Variants in ENPP3 observed in about 807,000 individuals in gnomAD.
The protein encoded by ENPP3 is ectonucleotide pyrophosphatase/phosphodiesterase 3.
Under a neutral mutation model 117.8 loss-of-function variants are expected in ENPP3, and 104 were observed. The observed-to-expected ratio is 0.88, with a 90% confidence interval of 0.75 to 1.04. The LOEUF is 1.04. Among genes scored for constraint, ENPP3 ranks in the 50% least tolerant of loss-of-function variants. The pLI is 0.00. For missense variants in ENPP3, 1,026 were observed against 1,051.9 expected (o/e 0.98, Z 0.34); for synonymous variants, 380 against 349.9 (o/e 1.09, Z -0.96).
At chr6:131,679,127 C>T (rs1585657652) in intron 11 of ENPP3, among the ~76,000 whole-genome samples, 1 of 147,004 alleles carries the variant, frequency 6.8e-6, no homozygotes, top group Non-Finnish European at 1.5e-5. Context: ...TGGAGTCTTG[C>T]TCTGTCACCC....
chr6:131,671,519 C>T (rs556146967), intron 7 of ENPP3, among the ~76,000 whole-genome samples, 192 bp downstream of exon 7: 35 of 152,176 alleles, frequency 2.3e-4, no homozygotes, highest in Non-Finnish European at 4.1e-4. Context: ...GAGGAATGAA[C>T]TATGAATAAG....
chr6:131,699,235 C>CAAAAAAAAAAAAAAAAAAAAAAA (rs4053087), intron 15 of ENPP3, among the ~76,000 whole-genome samples: 4 of 107,956 alleles, frequency 3.7e-5, no homozygotes, highest in East Asian at 2.5e-4. Flanking sequence ...AAGACTGTCT[C>CAAAAAAAAAAAAAAAAAAAAAAA]AAAAAAAAAA....
At chr6:131,689,620 T>A (rs565798888) in intron 14 of ENPP3, among the ~76,000 whole-genome samples, 5 of 152,342 alleles carry the variant, frequency 3.3e-5, no homozygotes, top group Non-Finnish European at 7.3e-5. Context: ...AGGAGATGGA[T>A]ATTTTCATGT....
At chr6:131,746,487 T>C (rs2114593204) in intron 24 of ENPP3, among the ~76,000 whole-genome samples, 1 of 152,294 alleles carries the variant, frequency 6.6e-6, no homozygotes, top group African/African-American at 2.4e-5. Flanking sequence ...TGTTTAGTTC[T>C]GAACAGAGGA....
chr6:131,736,566 T>C (rs960617002), intron 21 of ENPP3, among the ~76,000 whole-genome samples: 1 of 152,048 alleles, frequency 6.6e-6, no homozygotes. Context: ...CACGTGGGAA[T>C]TATAGGAGCT....
intron 14 of ENPP3, among the ~76,000 whole-genome samples, chr6:131,693,279 C>A (rs1259587642): frequency 6.6e-6 from 1 of 151,418 alleles, no homozygotes; most frequent in African/African-American, 2.4e-5. Context: ...TGGGTTAAAT[C>A]AGATTTTTAA....
intron 24 of ENPP3, among the ~76,000 whole-genome samples, chr6:131,745,696 A>G (rs1376923080): frequency 6.6e-6 from 1 of 152,210 alleles, no homozygotes; most frequent in Non-Finnish European, 1.5e-5. Flanking sequence ...ACAGACATAA[A>G]ACACTATTTT....
rs750533273 is a variant in ENPP3 at position 131,733,576 on chromosome 6, C to T, written c.1954-12C>T. On this transcript the variant is annotated splice_polypyrimidine_tract_variant and intron_variant, in intron 20 of 24. Transcript: ENST00000357639. The stretch of plus-strand genomic sequence containing the variant: ...TTGTGGGCGTAATTTTTTTCTCTCT[C>T]TCTTTGAACAGGGAGACACATCGCC... 2.5e-6 allele frequency: 4 copies of T among 1,607,056 alleles called. No homozygotes were observed. Among genetic ancestry groups the T allele is most frequent in the South Asian group, 2.2e-5 (2 of 90,350 alleles).
At chr6:131,673,505 C>T (rs146978546) in intron 7 of ENPP3, among the ~76,000 whole-genome samples, 2,208 of 152,186 alleles carry the variant, frequency 0.015, 29 homozygotes, top group South Asian at 0.032. Flanking sequence ...AAACAACAGA[C>T]ACTGGGGTCT....
rs17601580 is a variant in ENPP3 at position 131,740,280 on chromosome 6, G to A, written c.2357G>A (p.Ser786Asn). The A allele has an allele frequency of 0.15, 242,710 of 1,612,190 alleles. 20,134 individuals are homozygous for A. Among genetic ancestry groups the A allele is most frequent in the South Asian group, 0.19 (17,190 of 90,788 alleles). ...ACACACTACTTTGTGGTGCTGACCA[G>A]TTGTAAAAACAAGAGCCACACACCG... ...IPTHYFVVLT[S>N]CKNKSHTPEN... is the part of the protein sequence containing the mutation. The change falls in exon 24 of 25, where the codon AGT (serine) becomes AAT (asparagine). Residue 786 changes from serine to asparagine, a missense_variant. By Grantham distance (46) the Ser-to-Asn change is conservative. Coordinates refer to ENST00000357639, the MANE Select transcript of ENPP3 (RefSeq NM_005021.5).
chr6:131,736,517 C>T (rs984785356), intron 21 of ENPP3, among the ~76,000 whole-genome samples: 7 of 151,996 alleles, frequency 4.6e-5, no homozygotes, highest in Non-Finnish European at 8.8e-5. Flanking sequence ...AAGACCTGCC[C>T]CCATGATTCA....
At chr6:131,715,327 C>T (rs1303252416) in intron 15 of ENPP3, among the ~76,000 whole-genome samples, 22 of 140,526 alleles carry the variant, frequency 1.6e-4, no homozygotes, top group African/African-American at 4.8e-4. Flanking sequence ...GATCGCCAAG[C>T]ATTTAAAGCA....
chr6:131,714,685 T>TTA (rs1300422698), intron 15 of ENPP3, among the ~76,000 whole-genome samples: 1 of 130,724 alleles, frequency 7.6e-6, no homozygotes, highest in Non-Finnish European at 1.5e-5. Flanking sequence ...TCTGTAATGA[T>TTA]TATATATATC....
At position 131,717,352 on chromosome 6, in the gene ENPP3, GTGTGTGTGT is replaced by G. The variant is rs1387255699; in HGVS notation, c.1413-1319_1413-1311del. Among the ~76,000 whole-genome samples the G allele has an allele frequency of 1.8e-3, 24 of 13,538 alleles. 1 individual carries two copies. Among genetic ancestry groups the G allele is most frequent in the Admixed American group, 2.4e-3 (2 of 824 alleles). The allele number at this position is 13,538 out of a possible 152,430, so 8.9% of individuals were successfully genotyped here. A position where few individuals can be genotyped will look rare whatever the true frequency, so the allele number is the denominator to read the frequency against. On this transcript the variant is annotated intron_variant, in intron 15 of 24. Transcript: ENST00000357639. ...AAAACAAACAGAAACCCTGCGGGGG[GTGTGTGTGT>G]GTGTGTGTGTGTGTGTGTGTGTGTG...
At chr6:131,651,762 A>G (rs1778268188) in intron 3 of ENPP3, among the ~76,000 whole-genome samples, 1 of 152,230 alleles carries the variant, frequency 6.6e-6, no homozygotes, top group African/African-American at 2.4e-5. Context: ...AGGATAACCC[A>G]GTATAGATAG....
chr6:131,641,301 C>T (rs1778034301), intron 1 of ENPP3, among the ~76,000 whole-genome samples, 154 bp from the exon 2 acceptor site: 1 of 152,002 alleles, frequency 6.6e-6, no homozygotes, highest in African/African-American at 2.4e-5. Context: ...ACTATACCTC[C>T]AGTTAGGCCA....
At chr6:131,675,710 C>G (rs62423388) in intron 9 of ENPP3, among the ~76,000 whole-genome samples, 10,833 of 152,038 alleles carry the variant, frequency 0.071, 793 homozygotes, top group African/African-American at 0.19. Context: ...GGCGCATTAC[C>G]TCTAATCTTG....
chr6:131,719,382 A>AACACAC (rs3032879), intron 16 of ENPP3, among the ~76,000 whole-genome samples: 61,297 of 132,778 alleles, frequency 0.46, 15,944 homozygotes, highest in Non-Finnish European at 0.59. Context: ...TTCCATTTGT[A>AACACAC]ACACACACAC....
chr6:131,657,420 C>T (rs954835401), intron 5 of ENPP3, among the ~76,000 whole-genome samples: 1 of 152,122 alleles, frequency 6.6e-6, no homozygotes, highest in African/African-American at 2.4e-5. Context: ...TGGAGTTAAA[C>T]CACAGGCTGT....
Sources: allele counts gnomAD v4.1 joint callset (sites outside exome capture counted in the v4.1 genomes callset), GRCh38; gene constraint gnomAD v4.1.1; transcripts MANE v1.5; gene names NCBI Gene and HGNC (gene_info 2026-07-23, HGNC 2026-07-21).